The following MACROD2 variants were observed in gnomAD, a reference collection of about 807,000 sequenced individuals.
MACROD2 encodes the protein mono-ADP ribosylhydrolase 2, also known as ADP-ribose glycohydrolase MACROD2.
A neutral mutation model predicts 70.4 loss-of-function variants in MACROD2; 36 were observed. That is an observed-to-expected ratio of 0.51 (90% confidence interval 0.39 to 0.68). The LOEUF is 0.68. MACROD2 is among the 30% of genes least tolerant of loss of function. MACROD2 has a pLI of 0.00. For missense variants in MACROD2, 496 were observed against 538.4 expected, an observed-to-expected ratio of 0.92 and a Z score of 0.78; for synonymous variants, 172 against 178.8, an observed-to-expected ratio of 0.96 and a Z score of 0.30.
intron 3 of MACROD2, among the ~76,000 whole-genome samples, chr20:14,106,203 C>T (rs1443089633): frequency 3.9e-5 from 6 of 152,128 alleles, no homozygotes; most frequent in Admixed American, 1.3e-4. Flanking sequence ...TGGTAGCATT[C>T]ACCACAAGCT....
intron 8 of MACROD2, among the ~76,000 whole-genome samples, chr20:15,538,539 A>G (rs1266622513): frequency 6.6e-6 from 1 of 152,240 alleles, no homozygotes; most frequent in Non-Finnish European, 1.5e-5. Flanking sequence ...CAGATGAATC[A>G]ACTGGTTCAA....
chr20:14,938,011 T>C (rs1450033420), intron 5 of MACROD2, among the ~76,000 whole-genome samples: 1 of 151,392 alleles, frequency 6.6e-6, no homozygotes, highest in Non-Finnish European at 1.5e-5. Context: ...AAGTTTTTTT[T>C]TTTTTTTTTT....
intron 10 of MACROD2, among the ~76,000 whole-genome samples, chr20:15,901,606 G>A (rs904734466): frequency 7.9e-5 from 12 of 152,178 alleles, no homozygotes; most frequent in African/African-American, 2.9e-4. Context: ...TGTATTAAAT[G>A]CATTTTTGCT....
At chr20:15,080,313 A>G (rs1049620826) in intron 5 of MACROD2, among the ~76,000 whole-genome samples, 2 of 152,076 alleles carry the variant, frequency 1.3e-5, no homozygotes, top group African/African-American at 2.4e-5. Context: ...GTTAAAGTCA[A>G]TGTTAAAGTC....
chr20:15,946,601 G>A (rs558767327), intron 12 of MACROD2, among the ~76,000 whole-genome samples: 99 of 152,292 alleles, frequency 6.5e-4, no homozygotes, highest in Admixed American at 5.0e-3. Flanking sequence ...TAACTCAGTA[G>A]AATGTAGACC....
chr20:14,588,850 C>T (rs1981566698), intron 4 of MACROD2, among the ~76,000 whole-genome samples: 1 of 152,220 alleles, frequency 6.6e-6, no homozygotes, highest in Admixed American at 6.5e-5. Flanking sequence ...CATCATCTCA[C>T]AGCTTTTGAT....
chr20:13,997,794 A>C (rs1396964510), intron 1 of MACROD2, among the ~76,000 whole-genome samples: 1 of 152,178 alleles, frequency 6.6e-6, no homozygotes, highest in Non-Finnish European at 1.5e-5. Context: ...GAAGACTTTA[A>C]TGCATATCTC....
chr20:15,542,550 A>G (rs2047971676), intron 8 of MACROD2, among the ~76,000 whole-genome samples: 1 of 152,152 alleles, frequency 6.6e-6, no homozygotes, highest in Non-Finnish European at 1.5e-5. Context: ...GAAGGAGGTA[A>G]GGCTTCAGTG....
At chr20:13,998,398 A>G (rs537531582) in intron 1 of MACROD2, among the ~76,000 whole-genome samples, 8 of 152,300 alleles carry the variant, frequency 5.3e-5, no homozygotes, top group African/African-American at 1.9e-4. Flanking sequence ...AACTGGAACA[A>G]CAGAGGCCAG....
Position 15,810,444 on chromosome 20 carries a change from A to T in MACROD2, c.646-52301A>T, listed in dbSNP as rs372695037. 3.5e-3 allele frequency among the ~76,000 whole-genome samples: 531 copies of T among 151,994 alleles called. 6 individuals are homozygous for T. The highest frequency in any genetic ancestry group is 0.011 in the African/African-American group (452 of 41,442). ...AGATCCCTGAGGAATCGCCACACTG[A>T]CTTCCACAATGGTTGAACTAGTTTA... is the stretch of plus-strand genomic sequence containing the variant. On this transcript the variant is annotated intron_variant, in intron 8 of 17. Transcript: ENST00000684519.
At chr20:14,715,400 G>A (rs777113759) in intron 5 of MACROD2, among the ~76,000 whole-genome samples, 4 of 152,172 alleles carry the variant, frequency 2.6e-5, no homozygotes, top group Admixed American at 6.5e-5. Context: ...ATATTTGAAG[G>A]CCTCAGCTAT....
chr20:16,042,701 A>G (rs1373279959), intron 16 of MACROD2, among the ~76,000 whole-genome samples: 2 of 152,072 alleles, frequency 1.3e-5, no homozygotes, highest in South Asian at 2.1e-4. Flanking sequence ...TGAACTCACA[A>G]TAACTTTGCA....
At chr20:14,834,973 A>G (rs2073012922) in intron 5 of MACROD2, among the ~76,000 whole-genome samples, 1 of 152,006 alleles carries the variant, frequency 6.6e-6, no homozygotes, top group South Asian at 2.1e-4. Flanking sequence ...ATATACATAC[A>G]TATGTATATA....
chr20:15,793,927 T>C (rs993289261), intron 8 of MACROD2, among the ~76,000 whole-genome samples: 4 of 147,384 alleles, frequency 2.7e-5, no homozygotes, highest in Non-Finnish European at 6.0e-5. Context: ...TAGTGGCAAA[T>C]ATAAAAGATA....
chr20:15,794,047 A>C (rs921191225), intron 8 of MACROD2, among the ~76,000 whole-genome samples: 1 of 151,666 alleles, frequency 6.6e-6, no homozygotes, highest in African/African-American at 2.4e-5. Context: ...ATAGAGAACC[A>C]CTTAAGATGA....
chr20:14,731,771 C>A (rs1017402469), intron 5 of MACROD2, among the ~76,000 whole-genome samples: 1 of 152,052 alleles, frequency 6.6e-6, no homozygotes, highest in Non-Finnish European at 1.5e-5. Flanking sequence ...ATGGTGTTTT[C>A]CAGAGGGCTA....
intron 4 of MACROD2, among the ~76,000 whole-genome samples, chr20:14,678,363 CA>C (rs2070888035): frequency 6.6e-6 from 1 of 152,048 alleles, no homozygotes; most frequent in African/African-American, 2.4e-5. Flanking sequence ...GGAATAAAAC[CA>C]AATGGGCTTT....
intron 6 of MACROD2, among the ~76,000 whole-genome samples, chr20:15,294,734 G>A (rs895052596): frequency 6.6e-6 from 1 of 152,206 alleles, no homozygotes; most frequent in Non-Finnish European, 1.5e-5. Context: ...TGTAACCTTT[G>A]TCTCTTCCTT....
intron 9 of MACROD2, among the ~76,000 whole-genome samples, chr20:15,874,357 T>G (rs2064635772): frequency 6.6e-6 from 1 of 152,064 alleles, no homozygotes; most frequent in African/African-American, 2.4e-5. Flanking sequence ...CTATGGTGAA[T>G]AGTGCTGCAA....
Sources: gnomAD v4.1 joint callset for allele counts (sites outside exome capture counted in the v4.1 genomes callset) on GRCh38, gnomAD v4.1.1 for gene constraint, MANE v1.5 for transcripts, NCBI Gene and HGNC (gene_info 2026-07-23, HGNC 2026-07-21) for gene names.